The following GUCY1B1 variants were observed in gnomAD, a reference collection of about 807,000 sequenced individuals.
GUCY1B1 encodes guanylate cyclase 1 soluble subunit beta 1.
Under a neutral mutation model 71.0 loss-of-function variants are expected in GUCY1B1, and 43 were observed. That is an observed-to-expected ratio of 0.61 (90% confidence interval 0.47 to 0.78). The LOEUF is 0.78. Among genes scored for constraint, GUCY1B1 ranks in the 30% least tolerant of loss-of-function variants. The probability of loss-of-function intolerance (pLI) is 0.00; values close to 1 mark genes in which losing one functional copy is unlikely to be tolerated. For synonymous variants in GUCY1B1, 266 were observed against 259.7 expected, an observed-to-expected ratio of 1.02 and a Z score of -0.23; for missense variants, 535 against 754.1, an observed-to-expected ratio of 0.71 and a Z score of 3.40.
intron 2 of GUCY1B1, among the ~76,000 whole-genome samples, chr4:155,770,808 T>C (rs905434217): frequency 6.6e-6 from 1 of 151,914 alleles, no homozygotes; most frequent in African/African-American, 2.4e-5. Flanking sequence ...TGAACACCTA[T>C]GTATATTATC....
chr4:155,774,975 G>T lies in GUCY1B1; in HGVS notation c.85G>T (p.Ala29Ser). Reference protein sequence around the residue: ...PEVWEDIKKEAQLDEEGQFLV... With the variant: ...PEVWEDIKKESQLDEEGQFLV... ...CTTGTTTTTGTTTTCCAGAAAAGAGGCACAGTTAGATGAAGAAGGACAGTT... is the reference window on the plus strand; with the variant it reads ...CTTGTTTTTGTTTTCCAGAAAAGAGTCACAGTTAGATGAAGAAGGACAGTT... Residue 29 changes from alanine (A) to serine (S), a missense_variant, in exon 3 of 14, where the codon GCA (alanine) becomes TCA (serine). Physicochemically the swap from Ala to Ser is moderately conservative, Grantham distance 99. Coordinates refer to ENST00000264424, the MANE Select transcript of GUCY1B1 (RefSeq NM_000857.5). 6.4e-7 allele frequency: 1 copy of T among 1,551,344 alleles called. No individual in the cohort carries two copies. The highest frequency in any genetic ancestry group is 8.9e-7 in the Non-Finnish European group (1 of 1,124,914).
intron 9 of GUCY1B1, among the ~76,000 whole-genome samples, chr4:155,801,671 A>C (rs1016392103): frequency 6.6e-6 from 1 of 152,138 alleles, no homozygotes; most frequent in Non-Finnish European, 1.5e-5. Context: ...CCATAGGTCT[A>C]GTTTCTGCTT....
intron 4 of GUCY1B1, among the ~76,000 whole-genome samples, chr4:155,784,240 A>G (rs1561016293): frequency 6.6e-6 from 1 of 152,162 alleles, no homozygotes; most frequent in African/African-American, 2.4e-5. Flanking sequence ...CTTTTAGAAA[A>G]GAATCTCTAT....
intron 2 of GUCY1B1, among the ~76,000 whole-genome samples, chr4:155,774,294 C>T (rs1737891063): frequency 6.6e-6 from 1 of 152,154 alleles, no homozygotes; most frequent in Admixed American, 6.5e-5. Flanking sequence ...TCTGACACCC[C>T]AGGCATGCTC....
chr4:155,792,247 A>C (rs1439556598), intron 5 of GUCY1B1, among the ~76,000 whole-genome samples: 1 of 152,178 alleles, frequency 6.6e-6, no homozygotes, highest in Non-Finnish European at 1.5e-5. Context: ...ACCAATGAGA[A>C]GTTAAAAATA....
At position 155,774,965 on chromosome 4, in the gene GUCY1B1, C is replaced by T; in HGVS notation, c.78-3C>T. 1 of 1,502,432 alleles carries T rather than the reference C, an allele frequency of 6.7e-7. No homozygotes were observed. The highest frequency in any genetic ancestry group is 9.2e-7 in the Non-Finnish European group (1 of 1,082,046). 93.1% of individuals were successfully genotyped at this position (1,502,432 alleles called of 1,614,324 possible). A position where few individuals can be genotyped will look rare whatever the true frequency, so the allele number is the denominator to read the frequency against. ...TTCTGTCTTTCTTGTTTTTGTTTTC[C>T]AGAAAAGAGGCACAGTTAGATGAAG... On this transcript the variant is annotated splice_polypyrimidine_tract_variant and splice_region_variant and intron_variant, in intron 2 of 13. Transcript: ENST00000264424.
At chr4:155,760,000 C>A (rs1371173616) in intron 2 of GUCY1B1, 140 bp downstream of exon 2, 3 of 611,864 alleles carry the variant, frequency 4.9e-6, no homozygotes, top group African/African-American at 1.9e-5. Context: ...GCTCCCGGCT[C>A]GCTGCAGCTG....
chr4:155,787,286 T>A (rs1384398923), intron 4 of GUCY1B1, among the ~76,000 whole-genome samples: 1 of 152,164 alleles, frequency 6.6e-6, no homozygotes, highest in Non-Finnish European at 1.5e-5. Flanking sequence ...TTGGATTACT[T>A]TTACATGGCA....
chr4:155,778,425 TGGCTGCTTTCAGCAGCCA>T (rs1561011250), intron 4 of GUCY1B1, among the ~76,000 whole-genome samples: 2 of 152,258 alleles, frequency 1.3e-5, no homozygotes, highest in East Asian at 3.8e-4. Flanking sequence ...ATTTCTAAAC[TGGCTGCTTTCAGCAGCCA>T]GATCTTGCTG....
intron 2 of GUCY1B1, among the ~76,000 whole-genome samples, chr4:155,762,436 T>A (rs1737063170): frequency 6.6e-6 from 1 of 152,192 alleles, no homozygotes; most frequent in African/African-American, 2.4e-5. Flanking sequence ...ACTTTTTTGC[T>A]TCACTAGGAA....
At chr4:155,800,882 C>T (rs1039860857) in intron 9 of GUCY1B1, among the ~76,000 whole-genome samples, 2 of 152,066 alleles carry the variant, frequency 1.3e-5, no homozygotes, top group Non-Finnish European at 2.9e-5. Context: ...TTCAAAGTCA[C>T]ATGGGTTTGT....
Position 155,790,027 on chromosome 4 carries a change from A to G in GUCY1B1, c.495+116A>G, listed in dbSNP as rs1561021911. On this transcript the variant is annotated intron_variant, in intron 5 of 13. Coordinates refer to ENST00000264424, the MANE Select transcript of GUCY1B1 (RefSeq NM_000857.5). ...TTAGTGCTCTTCCCTGGAAGTATAT[A>G]TAAGCCAAAACAGTGGAAAGACCAG... The G allele has an allele frequency of 3.9e-5, 27 of 686,984 alleles. No individual in the cohort carries two copies. In the South Asian group the frequency reaches 5.2e-4, roughly 13 times the overall value. The allele number at this position is 686,984 out of a possible 1,614,324, so 42.6% of individuals were successfully genotyped here.
chr4:155,765,428 G>T (rs111653339), intron 2 of GUCY1B1, among the ~76,000 whole-genome samples: 50 of 152,102 alleles, frequency 3.3e-4, no homozygotes, highest in Non-Finnish European at 6.6e-4. Flanking sequence ...CTCCTTGTTC[G>T]TTAAAGAGGA....
At position 155,802,295 on chromosome 4, in the gene GUCY1B1, T is replaced by C; in HGVS notation, c.1176-47T>C. ...AAAGGACAGCAGAAGCACTAAAGGC[T>C]TTCCCAGTATTTCTTACAGTGGCTT... On this transcript the variant is annotated intron_variant, in intron 9 of 13. Transcript: ENST00000264424. This position sits in a 1 kb window ranked among gnomAD's most constrained non-coding sequence, Gnocchi z 4.3. 6.2e-6 allele frequency: 10 copies of C among 1,610,860 alleles called. No homozygotes were observed. The highest frequency in any genetic ancestry group is 8.5e-6 in the Non-Finnish European group (10 of 1,178,818).
At chr4:155,770,333 A>G (rs1043008225) in intron 2 of GUCY1B1, among the ~76,000 whole-genome samples, 1 of 152,140 alleles carries the variant, frequency 6.6e-6, no homozygotes, top group Non-Finnish European at 1.5e-5. Flanking sequence ...TGGCAGCTAT[A>G]TTTTGCAGAG....
At chr4:155,777,224 T>C (rs1277543791) in intron 3 of GUCY1B1, among the ~76,000 whole-genome samples, 1 of 152,214 alleles carries the variant, frequency 6.6e-6, no homozygotes, top group Non-Finnish European at 1.5e-5. Flanking sequence ...TTCAGGTTCT[T>C]GAGTATTTAG....
chr4:155,780,179 C>T (rs1738314136), intron 4 of GUCY1B1, among the ~76,000 whole-genome samples: 1 of 152,142 alleles, frequency 6.6e-6, no homozygotes, highest in South Asian at 2.1e-4. Flanking sequence ...ATATTTAAAA[C>T]AATTGAAACC....
chr4:155,762,162 CT>C (rs1737037838), intron 2 of GUCY1B1, among the ~76,000 whole-genome samples: 1 of 152,136 alleles, frequency 6.6e-6, no homozygotes, highest in South Asian at 2.1e-4. Flanking sequence ...ATCTTGCTGC[CT>C]GGGGAGAGGG....
intron 6 of GUCY1B1, 28 bp from the exon 7 acceptor site, chr4:155,795,313 T>G: frequency 9.1e-7 from 1 of 1,101,080 alleles, no homozygotes; most frequent in Non-Finnish European, 1.4e-6. Context: ...ACTGATGTGA[T>G]ACTCTTTGCT....
Sources: gnomAD v4.1 joint callset for allele counts (sites outside exome capture counted in the v4.1 genomes callset) on GRCh38, gnomAD v4.1.1 for gene constraint, Gnocchi (gnomAD v3.1) non-coding constraint, MANE v1.5 for transcripts, NCBI Gene and HGNC (gene_info 2026-07-23, HGNC 2026-07-21) for gene names.